Variants in PARD3 observed in about 807,000 individuals in gnomAD.
PARD3 encodes the protein par-3 family cell polarity regulator.
In PARD3, 75 loss-of-function variants were observed where a neutral mutation model predicts 155.4. The observed-to-expected ratio is 0.48, with a 90% confidence interval of 0.40 to 0.58. The LOEUF is 0.58. Ranked by LOEUF, PARD3 falls within the 20% of genes least tolerant of loss-of-function variation. The probability of loss-of-function intolerance (pLI) is 0.00; values close to 1 mark genes in which losing one functional copy is unlikely to be tolerated. For missense variants in PARD3, 1,642 were observed against 1,721.7 expected (o/e 0.95, Z 0.82); for synonymous variants, 576 against 610.5 (o/e 0.94, Z 0.83).
intron 19 of PARD3, among the ~76,000 whole-genome samples, chr10:34,324,302 A>C (rs897763780): frequency 6.6e-6 from 1 of 152,240 alleles, no homozygotes; most frequent in Non-Finnish European, 1.5e-5. Context: ...GTGATCCGCA[A>C]AAATTTCCTG....
intron 5 of PARD3, among the ~76,000 whole-genome samples, chr10:34,428,081 C>T (rs1345113380): frequency 6.6e-6 from 1 of 152,184 alleles, no homozygotes; most frequent in East Asian, 1.9e-4. Flanking sequence ...AAACCTCCAG[C>T]ACTTCCCCCA....
chr10:34,142,664 AAGGCAGGAAGGCAGGC>A (rs1948255526), intron 22 of PARD3, among the ~76,000 whole-genome samples: 1 of 152,052 alleles, frequency 6.6e-6, no homozygotes, highest in African/African-American at 2.4e-5. Context: ...GGAAGGCAGG[AAGGCAGGAAGGCAGGC>A]AGGCATCATT....
chr10:34,382,553 G>C lies in PARD3; in HGVS notation c.1386C>G (p.Ile462Met). The C allele has an allele frequency of 6.2e-7, 1 of 1,612,530 alleles. No individual in the cohort carries two copies. Among genetic ancestry groups the C allele is most frequent in the Non-Finnish European group, 8.5e-7 (1 of 1,179,800 alleles). The change falls in exon 9 of 25, where the codon ATC (isoleucine) becomes ATG (methionine). Residue 462 changes from isoleucine to methionine, a missense_variant. Physicochemically the swap from Ile to Met is conservative, Grantham distance 10 (BLOSUM62 1). Transcript: ENST00000374788. ...GATAGGTCGTACCTTTCTTAAGCTG[G>C]ATATTAAGCCTCTTGCCTATTTTTT... Reference protein sequence around the residue: ...NTKKIGKRLNIQLKKGTEGLG... With the variant: ...NTKKIGKRLNMQLKKGTEGLG...
intron 2 of PARD3, among the ~76,000 whole-genome samples, chr10:34,592,658 C>G (rs1488508288): frequency 6.6e-6 from 1 of 152,178 alleles, no homozygotes; most frequent in Admixed American, 6.5e-5. Flanking sequence ...CACCTGTAGT[C>G]CCAGCTACTC....
At chr10:34,754,010 G>A (rs531826816) in intron 1 of PARD3, among the ~76,000 whole-genome samples, 53 of 151,778 alleles carry the variant, frequency 3.5e-4, no homozygotes, top group African/African-American at 1.3e-3. Context: ...ATGGAATTCT[G>A]GTTTTATTTA....
intron 5 of PARD3, among the ~76,000 whole-genome samples, chr10:34,443,043 G>A (rs1241441268): frequency 6.6e-6 from 1 of 151,782 alleles, no homozygotes; most frequent in Non-Finnish European, 1.5e-5. Flanking sequence ...CTTCTATGTA[G>A]GCAGATCAGT....
intron 1 of PARD3, among the ~76,000 whole-genome samples, chr10:34,777,473 GGGCTCTTA>G (rs1839730795): frequency 6.6e-6 from 1 of 152,076 alleles, no homozygotes; most frequent in South Asian, 2.1e-4. Context: ...CCCGCACAGG[GGGCTCTTA>G]GAGGGCATCC....
intron 3 of PARD3, among the ~76,000 whole-genome samples, chr10:34,514,229 C>A (rs904985222): frequency 3.3e-5 from 5 of 152,050 alleles, no homozygotes; most frequent in Non-Finnish European, 7.4e-5. Flanking sequence ...GGAAAGTGAC[C>A]ACTCCTTCTT....
At chr10:34,429,597 T>C (rs1288921866) in intron 5 of PARD3, among the ~76,000 whole-genome samples, 1 of 143,050 alleles carries the variant, frequency 7.0e-6, no homozygotes, top group East Asian at 2.0e-4. Flanking sequence ...TTGTTTTGTT[T>C]TGTTTTAAAA....
intron 1 of PARD3, among the ~76,000 whole-genome samples, chr10:34,769,505 C>T (rs1027392694): frequency 2.0e-5 from 3 of 151,968 alleles, no homozygotes; most frequent in Non-Finnish European, 2.9e-5. Flanking sequence ...CCATACCTCC[C>T]GGCACTTTGG....
rs148468740 is a variant in PARD3, at chr10:34,362,704, A to C, written c.1708-2445T>G. On this transcript the variant is annotated intron_variant, in intron 12 of 24. Coordinates refer to ENST00000374788, the MANE Select transcript of PARD3 (RefSeq NM_001184785.2). ...GAGATGGGGTTTCACCATGTTGGCC[A>C]GGCTGGTTTCAGACTCCTGGGCTCA... Among the ~76,000 whole-genome samples the C allele has an allele frequency of 9.2e-5, 14 of 152,328 alleles. No homozygotes were observed. In the East Asian group the frequency reaches 2.7e-3, roughly 29 times the overall value.
intron 22 of PARD3, among the ~76,000 whole-genome samples, chr10:34,241,065 T>C (rs369147188): frequency 6.6e-6 from 1 of 151,856 alleles, no homozygotes; most frequent in Non-Finnish European, 1.5e-5. Context: ...GAATCAGAAA[T>C]AGAAAAACAC....
chr10:34,245,790 A>G (rs1387790765), intron 22 of PARD3, among the ~76,000 whole-genome samples: 1 of 152,204 alleles, frequency 6.6e-6, no homozygotes, highest in East Asian at 1.9e-4. Context: ...GGTCTGGATA[A>G]TAAAGACCCC....
At chr10:34,401,537 T>C (rs1334781181) in intron 6 of PARD3, among the ~76,000 whole-genome samples, 2 of 152,288 alleles carry the variant, frequency 1.3e-5, no homozygotes, top group African/African-American at 4.8e-5. Flanking sequence ...TTTACAGTGT[T>C]GTTAACATGA....
At chr10:34,715,103 G>C (rs1328351737) in intron 1 of PARD3, among the ~76,000 whole-genome samples, 1 of 135,454 alleles carries the variant, frequency 7.4e-6, no homozygotes, top group Non-Finnish European at 1.6e-5. Flanking sequence ...TAAGAGACAA[G>C]GTCTCGCTCT....
At chr10:34,653,980 A>G (rs1015022243) in intron 2 of PARD3, among the ~76,000 whole-genome samples, 5 of 152,118 alleles carry the variant, frequency 3.3e-5, no homozygotes, top group Admixed American at 3.3e-4. Context: ...CATGCACACC[A>G]ATTATGGTAA....
intron 6 of PARD3, among the ~76,000 whole-genome samples, chr10:34,401,512 A>T (rs1843879918): frequency 6.6e-6 from 1 of 152,184 alleles, no homozygotes; most frequent in East Asian, 1.9e-4. Context: ...AAGCAATCTG[A>T]AAAGAGTTAC....
At chr10:34,788,180 C>G (rs1440175434) in intron 1 of PARD3, among the ~76,000 whole-genome samples, 2 of 152,084 alleles carry the variant, frequency 1.3e-5, no homozygotes, top group Non-Finnish European at 2.9e-5. Flanking sequence ...CATCAGGAAA[C>G]TTTTGAATTT....
chr10:34,113,745 C>A (rs1353718786), intron 24 of PARD3, among the ~76,000 whole-genome samples: 1 of 152,138 alleles, frequency 6.6e-6, no homozygotes, highest in Admixed American at 6.5e-5. Context: ...CCTGAGCCTG[C>A]CACTGGCTGG....
Sources: gnomAD v4.1 joint callset for allele counts (sites outside exome capture counted in the v4.1 genomes callset) on GRCh38, gnomAD v4.1.1 for gene constraint, MANE v1.5 for transcripts, NCBI Gene and HGNC (gene_info 2026-07-23, HGNC 2026-07-21) for gene names.